The following TTN variants were observed in gnomAD, a reference collection of about 807,000 sequenced individuals.
The protein encoded by TTN is connectin.
TTN carries 1,525 observed loss-of-function variants against 3,223.0 expected under a neutral mutation model. The ratio of observed to expected loss-of-function variants is 0.47; its 90% confidence interval spans 0.45 to 0.49. TTN has a LOEUF of 0.49. Ranked by LOEUF, TTN falls within the 20% of genes least tolerant of loss-of-function variation. The probability of loss-of-function intolerance (pLI) is 0.00; values close to 1 mark genes in which losing one functional copy is unlikely to be tolerated. For synonymous variants in TTN, 14,094 were observed against 15,161.0 expected, an observed-to-expected ratio of 0.93 and a Z score of 5.17; for missense variants, 40,786 against 43,424.0, an observed-to-expected ratio of 0.94 and a Z score of 5.40.
rs934207682 is a variant in TTN at position 178,531,514 on chromosome 2, C to T, written c.105101G>A (p.Gly35034Glu). Reference sequence around the variant, plus strand: ...TTGGGAAGCATAGGTGGTATAATCCCCTCCTGTCACGTCCAACGTTGCATA... The same window carrying T: ...TTGGGAAGCATAGGTGGTATAATCCTCTCCTGTCACGTCCAACGTTGCATA... ...SDYATLDVTG[G>E]DYTTYASQRR... Residue 35034 changes from glycine (G) to glutamate (E), a missense_variant, in exon 358 of 363, where the codon GGG (glycine) becomes GAG (glutamate). Coordinates refer to ENST00000589042, the MANE Select transcript of TTN (RefSeq NM_001267550.2). 3 of 1,613,892 alleles carry T rather than the reference C, an allele frequency of 1.9e-6. No individual in the cohort carries two copies. Among genetic ancestry groups the T allele is most frequent in the Non-Finnish European group, 1.7e-6 (2 of 1,179,864 alleles).
Position 178,574,570 on chromosome 2 carries a change from AC to A in TTN, c.71561del (p.Gly23854ValfsTer6). On this transcript the variant is annotated frameshift_variant, in exon 326 of 363. Coordinates refer to ENST00000589042, the MANE Select transcript of TTN (RefSeq NM_001267550.2). LOFTEE classifies it high-confidence loss of function. ...TISWHEPLSD[G>X]GSPILGYHVE... Reference sequence around the variant, plus strand: ...CATGATATCCTAAAATGGGGCTTCCACCATCAGAAAGTGGCTCATGCCAGCT... The same window carrying A: ...CATGATATCCTAAAATGGGGCTTCCACATCAGAAAGTGGCTCATGCCAGCT... 1 of 1,613,554 alleles carries A rather than the reference AC, an allele frequency of 6.2e-7. No homozygotes were observed. Among genetic ancestry groups the A allele is most frequent in the Non-Finnish European group, 8.5e-7 (1 of 1,179,618 alleles).
chr2:178,695,730 T>G, intron 114 of TTN, 135 bp downstream of exon 114: 1 of 750,128 alleles, frequency 1.3e-6, no homozygotes, highest in Non-Finnish European at 2.0e-6. Context: ...TTTAAAAGAT[T>G]TCTAACCTTA....
At position 178,748,079 on chromosome 2, in the gene TTN, T is replaced by C. The variant is rs768589711; in HGVS notation, c.11311+5045A>G. The C allele has an allele frequency of 6.9e-5, 111 of 1,612,964 alleles. No homozygotes were observed. The highest frequency in any genetic ancestry group is 8.7e-5 in the Non-Finnish European group (103 of 1,179,532). On this transcript the variant is annotated intron_variant, in intron 47 of 362. Coordinates refer to ENST00000589042, the MANE Select transcript of TTN (RefSeq NM_001267550.2). Reference sequence around the variant, plus strand: ...TTCCATTTCACCAACCCCTAAAGGCTTTTCCTCACTTGCTGCTTTTTTCAA... The same window carrying C: ...TTCCATTTCACCAACCCCTAAAGGCCTTTCCTCACTTGCTGCTTTTTTCAA...
rs1250566248 is a variant in TTN, at chr2:178,585,294, G to GT, written c.64449dup (p.Leu21484ThrfsTer4). Reference sequence around the variant, plus strand: ...CCATACACATGGGCTTCAATTCGGAGTTTTTTCCCAGCTTTGATAGTTATT... The same window carrying GT: ...CCATACACATGGGCTTCAATTCGGAGTTTTTTTCCCAGCTTTGATAGTTATT... On this transcript the variant is annotated frameshift_variant, in exon 309 of 363. Transcript: ENST00000589042. LOFTEE classifies it high-confidence loss of function. 2 of 1,611,376 alleles carry GT rather than the reference G, an allele frequency of 1.2e-6. No homozygotes were observed. The highest frequency in any genetic ancestry group is 1.7e-5 in the Admixed American group (1 of 59,710).
In TTN at chr2:178,588,808, T is replaced by C. The variant is rs374657513; in HGVS notation, c.62917A>G (p.Thr20973Ala). The change falls in exon 304 of 363, where the codon ACT becomes GCT. Residue 20973 changes from threonine (T) to alanine (A), a missense_variant. Transcript: ENST00000589042. The stretch of plus-strand genomic sequence containing the variant: ...GTCATCTCTTCTTTGCTTACTTTAG[T>C]GACTTCTGGGGGATCAGGGCGACCA... ...KPGRPDPPEV[T>A]KVSKEEMTVV... is the part of the protein sequence containing the mutation. 1.2e-6 allele frequency: 2 copies of C among 1,613,352 alleles called. No homozygotes were observed. The highest frequency in any genetic ancestry group is 2.2e-5 in the East Asian group (1 of 44,750).
Position 178,583,487 on chromosome 2 carries a change from A to G in TTN, c.65575+120T>C, listed in dbSNP as rs1033777493. The G allele has an allele frequency of 2.0e-4, 228 of 1,114,942 alleles. No individual in the cohort carries two copies. In the East Asian group the frequency reaches 5.9e-3, roughly 29 times the overall value. 69.1% of individuals were successfully genotyped at this position (1,114,942 alleles called of 1,614,324 possible). On this transcript the variant is annotated intron_variant, in intron 312 of 362. Coordinates refer to ENST00000589042, the MANE Select transcript of TTN (RefSeq NM_001267550.2). Reference sequence around the variant, plus strand: ...CCATAATCATAATGTTTGTGTCTATATACAAAACATCATTTTAATTTTCCT... The same window carrying G: ...CCATAATCATAATGTTTGTGTCTATGTACAAAACATCATTTTAATTTTCCT...
chr2:178,689,282 A>G lies in TTN; in HGVS notation c.32011+8T>C. 1 of 1,610,526 alleles carries G rather than the reference A, an allele frequency of 6.2e-7. No individual in the cohort carries two copies. Among genetic ancestry groups the G allele is most frequent in the Non-Finnish European group, 8.5e-7 (1 of 1,179,080 alleles). ...AAGACAGTTCTTGGGAAGATGGAGAAACAATACCTTTTGGTGGTGGTGGAA... is the reference window on the plus strand; with the variant it reads ...AAGACAGTTCTTGGGAAGATGGAGAGACAATACCTTTTGGTGGTGGTGGAA... On this transcript the variant is annotated splice_region_variant and intron_variant, in intron 124 of 362. Coordinates refer to ENST00000589042, the MANE Select transcript of TTN (RefSeq NM_001267550.2).
intron 261 of TTN, 44 bp downstream of exon 261, chr2:178,614,422 A>G: frequency 1.3e-6 from 2 of 1,579,512 alleles, no homozygotes; most frequent in Non-Finnish European, 1.7e-6. Flanking sequence ...CAAGAAAGTA[A>G]CTGCAAAGAG....
In TTN at chr2:178,795,830, T is replaced by A. The variant is rs1047647132; in HGVS notation, c.915-578A>T. ...TCCTCAGGAAGCTTTCTGCAGCATG[T>A]TGCTGGGTACAGGTTGTGCAGTGCA... On this transcript the variant is annotated intron_variant, in intron 6 of 362. Coordinates refer to ENST00000589042, the MANE Select transcript of TTN (RefSeq NM_001267550.2). 2.6e-5 allele frequency among the ~76,000 whole-genome samples: 4 copies of A among 152,196 alleles called. No individual in the cohort carries two copies. In the South Asian group the frequency reaches 6.2e-4, roughly 24 times the overall value.
chr2:178,531,516 T>A lies in TTN; in HGVS notation c.105099A>T (p.Gly35033=), dbSNP rs1450325783. 1.9e-6 allele frequency: 3 copies of A among 1,613,936 alleles called. No individual in the cohort carries two copies. Among genetic ancestry groups the A allele is most frequent in the Non-Finnish European group, 1.7e-6 (2 of 1,179,876 alleles). Reference sequence around the variant, plus strand: ...GGGAAGCATAGGTGGTATAATCCCCTCCTGTCACGTCCAACGTTGCATAGT... The same window carrying A: ...GGGAAGCATAGGTGGTATAATCCCCACCTGTCACGTCCAACGTTGCATAGT... ...ASDYATLDVT[G]GDYTTYASQR... is the part of the protein sequence containing the mutation. Residue 35033 remains glycine (G), a synonymous_variant, in exon 358 of 363, where the codon GGA becomes GGT. Coordinates refer to ENST00000589042, the MANE Select transcript of TTN (RefSeq NM_001267550.2).
In TTN at chr2:178,528,350, G is replaced by A. The variant is rs1558965303; in HGVS notation, c.107301C>T (p.Ser35767=). 4 of 1,613,920 alleles carry A rather than the reference G, an allele frequency of 2.5e-6. No homozygotes were observed. Among genetic ancestry groups the A allele is most frequent in the East Asian group, 2.2e-5 (1 of 44,884 alleles). Residue 35767 remains serine (S), a synonymous_variant, in exon 361 of 363, where the codon AGC becomes AGT. Transcript: ENST00000589042. ...YSLEIRNASV[S]DSGKYTIKAK... ...CCTTAATTGTGTACTTTCCACTGTC[G>A]CTGACTGATGCATTTCGGATTTCAA...
intron 117 of TTN, among the ~76,000 whole-genome samples, chr2:178,694,315 A>G (rs2073165329): frequency 6.6e-6 from 1 of 152,186 alleles, no homozygotes; most frequent in Non-Finnish European, 1.5e-5. Context: ...GGAATATTAT[A>G]TGCAATGGAA....
At chr2:178,790,588 T>C in intron 11 of TTN, 120 bp downstream of exon 11, 1 of 1,512,800 alleles carries the variant, frequency 6.6e-7, no homozygotes, top group South Asian at 1.2e-5. Flanking sequence ...AAATTTTCTA[T>C]TTGCATTATA....
chr2:178,588,826 G>C lies in TTN; in HGVS notation c.62899C>G (p.Pro20967Ala). ...ACTTTAGTGACTTCTGGGGGATCAG[G>C]GCGACCAGGTTTATCATACTTGGTT... is the stretch of plus-strand genomic sequence containing the variant. ...AKTKYDKPGR[P>A]DPPEVTKVSK... The change falls in exon 304 of 363, where the codon CCT becomes GCT. Residue 20967 changes from proline to alanine, a missense_variant. Pro to Ala is a conservative substitution (Grantham distance 27, BLOSUM62 -1). Coordinates refer to ENST00000589042, the MANE Select transcript of TTN (RefSeq NM_001267550.2). 2 of 1,613,288 alleles carry C rather than the reference G, an allele frequency of 1.2e-6. No homozygotes were observed. The highest frequency in any genetic ancestry group is 1.1e-5 in the South Asian group (1 of 91,060).
At chr2:178,628,019 G>T (rs1318554556) in intron 240 of TTN, among the ~76,000 whole-genome samples, 1 of 152,044 alleles carries the variant, frequency 6.6e-6, no homozygotes, top group Admixed American at 6.6e-5. Context: ...TGTAAGGAAG[G>T]TTTTGTGATA....
chr2:178,749,443 G>A (rs746549384), intron 47 of TTN: 2 of 1,612,870 alleles, frequency 1.2e-6, no homozygotes, highest in Non-Finnish European at 1.7e-6. Flanking sequence ...GCTCTTTCTG[G>A]TCTATTTGCT....
In TTN at chr2:178,560,305, T is replaced by C. The variant is rs371952669; in HGVS notation, c.85827A>G (p.Arg28609=). Residue 28609 remains arginine (R), a synonymous_variant, in exon 326 of 363, where the codon AGA becomes AGG. Coordinates refer to ENST00000589042, the MANE Select transcript of TTN (RefSeq NM_001267550.2). ...CTTCCCGAAGTCCTGTTGATTTCAC[T>C]CTTAGATCATAAACTGGTTTTTTGT... ...RVNKKPVYDL[R]VKSTGLREGC... 1.9e-5 allele frequency: 30 copies of C among 1,613,714 alleles called. No homozygotes were observed. The highest frequency in any genetic ancestry group is 2.0e-5 in the Non-Finnish European group (24 of 1,179,804).
chr2:178,533,541 A>G lies in TTN; in HGVS notation c.103074T>C (p.Asp34358=), dbSNP rs774488640. 9.9e-6 allele frequency: 16 copies of G among 1,613,798 alleles called. No individual in the cohort carries two copies. Among genetic ancestry groups the G allele is most frequent in the East Asian group, 2.2e-5 (1 of 44,894 alleles). Residue 34358 remains aspartate (D), a synonymous_variant, in exon 358 of 363, where the codon GAT becomes GAC. Coordinates refer to ENST00000589042, the MANE Select transcript of TTN (RefSeq NM_001267550.2). The part of the protein sequence containing the change: ...LTVTLHPPPT[D]STLRPMFKRL... The stretch of plus-strand genomic sequence containing the variant: ...TTTTGAACATGGGTCTTAAGGTACT[A>G]TCTGTTGGAGGTGGGTGTAGGGTTA...
Position 178,729,880 on chromosome 2 carries a change from ATGT to A in TTN, c.18370_18372del (p.Thr6124del), listed in dbSNP as rs1165485785. 1.2e-6 allele frequency: 2 copies of A among 1,613,392 alleles called. No homozygotes were observed. Among genetic ancestry groups the A allele is most frequent in the African/African-American group, 1.3e-5 (1 of 74,894 alleles). ...GGAGTGCCTGTTATTTGGCATTCAA[ATGT>A]TGTTGACTGTCCATTCCTCAGCACT... On this transcript the variant is annotated inframe_deletion, in exon 63 of 363. Coordinates refer to ENST00000589042, the MANE Select transcript of TTN (RefSeq NM_001267550.2).
Sources: gnomAD v4.1 joint callset for allele counts (sites outside exome capture counted in the v4.1 genomes callset) on GRCh38, gnomAD v4.1.1 for gene constraint, MANE v1.5 for transcripts, NCBI Gene and HGNC (gene_info 2026-07-23, HGNC 2026-07-21) for gene names.